Variants in FBN2 observed in about 807,000 individuals in gnomAD.
FBN2 encodes fibrillin 2.
Under a neutral mutation model 355.6 loss-of-function variants are expected in FBN2, and 105 were observed. That is an observed-to-expected ratio of 0.30 (90% CI 0.25 to 0.35). The LOEUF is 0.35. FBN2 is among the 10% of genes least tolerant of loss of function. The probability of loss-of-function intolerance (pLI) is 1.00; values close to 1 mark genes in which losing one functional copy is unlikely to be tolerated. For missense variants in FBN2, 3,280 were observed against 3,758.7 expected (o/e 0.87, Z 3.33); for synonymous variants, 1,350 against 1,301.2 (o/e 1.04, Z -0.81).
intron 12 of FBN2, among the ~76,000 whole-genome samples, chr5:128,378,297 A>G (rs115440222): frequency 7.5e-4 from 114 of 152,280 alleles, no homozygotes; most frequent in African/African-American, 2.7e-3. Flanking sequence ...GATGAATAGG[A>G]AATGAAAAAG....
At chr5:128,372,307 T>G (rs895188390) in intron 15 of FBN2, among the ~76,000 whole-genome samples, 5 of 152,240 alleles carry the variant, frequency 3.3e-5, no homozygotes, top group Non-Finnish European at 7.3e-5. Context: ...TGATTGCCTT[T>G]TGTTTACAAC....
intron 5 of FBN2, among the ~76,000 whole-genome samples, chr5:128,471,334 C>T (rs1754855409): frequency 6.6e-6 from 1 of 151,868 alleles, no homozygotes; most frequent in African/African-American, 2.4e-5. Context: ...GCAAAGAAGG[C>T]AGTACCCAAA....
Position 128,496,092 on chromosome 5 carries a change from G to A in FBN2, c.628+23181C>T, listed in dbSNP as rs148827937. Among the ~76,000 whole-genome samples, 5 of 152,128 alleles carry A rather than the reference G, an allele frequency of 3.3e-5. No individual in the cohort carries two copies. The East Asian group carries it at 9.6e-4, about 29-fold the overall frequency. ...GGCCCAGGCCCAGATGGCTTTACTG[G>A]TAAATTCTACCAAACATTTAAATAA... On this transcript the variant is annotated intron_variant, in intron 5 of 64. Transcript: ENST00000262464.
intron 5 of FBN2, among the ~76,000 whole-genome samples, chr5:128,482,655 A>G (rs769988225): frequency 5.7e-4 from 87 of 152,240 alleles, no homozygotes; most frequent in Non-Finnish European, 8.5e-4. Context: ...TGATATATTA[A>G]TATCAATTTA....
At position 128,274,696 on chromosome 5, in the gene FBN2, A is replaced by G. The variant is rs747620496; in HGVS notation, c.7595-13T>C. 2.9e-5 allele frequency: 44 copies of G among 1,505,398 alleles called. No homozygotes were observed. Among genetic ancestry groups the G allele is most frequent in the Non-Finnish European group, 3.8e-5 (41 of 1,080,960 alleles). The allele number at this position is 1,505,398 out of a possible 1,614,324, so 93.3% of individuals were successfully genotyped here. ...CATTCATCAAGGTCTGAAATTAGAG[A>G]GAAGCCAGTGAAAATCACAGTAGAC... On this transcript the variant is annotated splice_polypyrimidine_tract_variant and intron_variant, in intron 59 of 64. Coordinates refer to ENST00000262464, the MANE Select transcript of FBN2 (RefSeq NM_001999.4).
chr5:128,380,113 AG>A (rs1211584596), intron 11 of FBN2, among the ~76,000 whole-genome samples: 2 of 152,098 alleles, frequency 1.3e-5, no homozygotes, highest in African/African-American at 4.8e-5. Flanking sequence ...CATCCATCCA[AG>A]GACCCCTTCA....
chr5:128,452,757 C>T (rs905365738), intron 6 of FBN2, among the ~76,000 whole-genome samples: 5 of 151,924 alleles, frequency 3.3e-5, no homozygotes, highest in African/African-American at 1.2e-4. Flanking sequence ...TTCGGGGATA[C>T]AGGTGCGGGT....
chr5:128,352,771 C>A (rs1002112577), intron 20 of FBN2, among the ~76,000 whole-genome samples: 1 of 152,090 alleles, frequency 6.6e-6, no homozygotes, highest in African/African-American at 2.4e-5. Context: ...AAACACTTTA[C>A]CAAAACCTCA....
chr5:128,388,852 C>T (rs1314437514), intron 11 of FBN2, among the ~76,000 whole-genome samples: 2 of 152,086 alleles, frequency 1.3e-5, no homozygotes, highest in Non-Finnish European at 2.9e-5. Context: ...CACAGGGGTA[C>T]TCCAGACTTC....
chr5:128,274,099 T>A, intron 60 of FBN2, 131 bp from the exon 61 acceptor site: 2 of 1,002,014 alleles, frequency 2.0e-6, no homozygotes. Flanking sequence ...GGAAAATTTA[T>A]ACCAAAATTC....
At chr5:128,479,976 CTATATATATATATATATA>C (rs200921131) in intron 5 of FBN2, among the ~76,000 whole-genome samples, 1,745 of 28,796 alleles carry the variant, frequency 0.061, 48 homozygotes, top group Non-Finnish European at 0.074. Context: ...CTCTCTCTCT[CTATATATATATATATATA>C]TATATATATA....
At chr5:128,307,051 C>T in intron 42 of FBN2, 84 bp downstream of exon 42, 3 of 883,480 alleles carry the variant, frequency 3.4e-6, no homozygotes, top group South Asian at 1.3e-5. Context: ...TTTTGTGGTA[C>T]TCTTGAATTT....
chr5:128,377,616 G>A, intron 13 of FBN2, 136 bp downstream of exon 13: 1 of 909,170 alleles, frequency 1.1e-6, no homozygotes, highest in East Asian at 2.5e-5. Context: ...TATATTAAAT[G>A]CATTTGCATT....
At chr5:128,355,588 G>A (rs998126330) in intron 20 of FBN2, among the ~76,000 whole-genome samples, 32 of 152,284 alleles carry the variant, frequency 2.1e-4, no homozygotes, top group African/African-American at 6.7e-4. Flanking sequence ...CTGTGGAAGA[G>A]AAAGTTGCAG....
intron 6 of FBN2, among the ~76,000 whole-genome samples, chr5:128,454,827 T>G (rs1754341145): frequency 2.0e-5 from 3 of 152,212 alleles, no homozygotes. Flanking sequence ...TGAATTCCTG[T>G]GCATTTCACA....
At position 128,301,479 on chromosome 5, in the gene FBN2, C is replaced by T. The variant is rs780889537; in HGVS notation, c.5949G>A (p.Gln1983=). Reference sequence around the variant, plus strand: ...TAAAACAACGTCCATTTCTGCACACCTGACCAAAAAAGGAACTGCACTCAT... The same window carrying T: ...TAAAACAACGTCCATTTCTGCACACTTGACCAAAAAAGGAACTGCACTCAT... ...DIDECSSFFG[Q]VCRNGRCFNE... is the part of the protein sequence containing the mutation. The change falls in exon 47 of 65, where the codon CAG becomes CAA. Residue 1983 remains glutamine (Q), a synonymous_variant. Transcript: ENST00000262464. 2 of 1,613,456 alleles carry T rather than the reference C, an allele frequency of 1.2e-6. No individual in the cohort carries two copies. The highest frequency in any genetic ancestry group is 1.7e-6 in the Non-Finnish European group (2 of 1,179,740).
chr5:128,505,416 C>A (rs1396436440), intron 5 of FBN2, among the ~76,000 whole-genome samples: 2 of 152,168 alleles, frequency 1.3e-5, no homozygotes, highest in Admixed American at 6.5e-5. Context: ...CCTAAACCAA[C>A]TTATACAAAA....
chr5:128,379,304 A>G (rs1752167994), intron 11 of FBN2, among the ~76,000 whole-genome samples: 1 of 152,130 alleles, frequency 6.6e-6, no homozygotes, highest in Non-Finnish European at 1.5e-5. Context: ...TTTATGTTAC[A>G]TGTTGTCACT....
At chr5:128,319,384 A>G (rs1334188788) in intron 34 of FBN2, among the ~76,000 whole-genome samples, 1 of 152,044 alleles carries the variant, frequency 6.6e-6, no homozygotes, top group African/African-American at 2.4e-5. Context: ...TGCAAACAGC[A>G]GACATTTTAT....
Sources: allele counts gnomAD v4.1 joint callset (sites outside exome capture counted in the v4.1 genomes callset), GRCh38; gene constraint gnomAD v4.1.1; transcripts MANE v1.5; gene names NCBI Gene and HGNC (gene_info 2026-07-23, HGNC 2026-07-21).